The following CDH13 variants were observed in gnomAD, a reference collection of about 807,000 sequenced individuals.
CDH13 encodes the protein cadherin-13.
A neutral mutation model predicts 63.8 loss-of-function variants in CDH13; 24 were observed. The ratio of observed to expected loss-of-function variants is 0.38; its 90% confidence interval spans 0.27 to 0.53. The LOEUF (loss-of-function observed/expected upper bound fraction) is 0.53. Among genes scored for constraint, CDH13 ranks in the 20% least tolerant of loss-of-function variants. The probability of loss-of-function intolerance (pLI) is 0.85; values close to 1 mark genes in which losing one functional copy is unlikely to be tolerated. For synonymous variants in CDH13, 503 were observed against 355.3 expected (o/e 1.42, Z -4.67); for missense variants, 1,049 against 903.1 (o/e 1.16, Z -2.07).
chr16:82,866,312 A>G (rs1203709237), intron 2 of CDH13, among the ~76,000 whole-genome samples: 4 of 148,004 alleles, frequency 2.7e-5, no homozygotes, highest in Non-Finnish European at 4.5e-5. Flanking sequence ...GTATCCTTAT[A>G]GCAGCACCCC....
At chr16:82,950,804 C>T (rs1174287930) in intron 2 of CDH13, among the ~76,000 whole-genome samples, 3 of 139,040 alleles carry the variant, frequency 2.2e-5, no homozygotes, top group East Asian at 4.0e-4. Flanking sequence ...AGAACTCCCA[C>T]ATCTTTTTTT....
At position 83,510,727 on chromosome 16, in the gene CDH13, T is replaced by A. The variant is rs75410854; in HGVS notation, c.960+24072T>A. ...CCTACTTCTAGATAGAGCCAAACTG[T>A]CTAAGCCAAAGGGGGTTTGGGTTTC... On this transcript the variant is annotated intron_variant, in intron 7 of 13. Coordinates refer to ENST00000567109, the MANE Select transcript of CDH13 (RefSeq NM_001257.5). 4.4e-3 allele frequency among the ~76,000 whole-genome samples: 671 copies of A among 152,270 alleles called. 5 individuals are homozygous for A. Among genetic ancestry groups the A allele is most frequent in the African/African-American group, 0.015 (622 of 41,548 alleles).
intron 1 of CDH13, among the ~76,000 whole-genome samples, chr16:82,775,375 T>A (rs900854030): frequency 2.0e-5 from 3 of 152,226 alleles, no homozygotes; most frequent in Non-Finnish European, 4.4e-5. Flanking sequence ...ACCAGCTGTA[T>A]GTATGAGCAT....
chr16:82,764,833 A>C (rs1258252363), intron 1 of CDH13, among the ~76,000 whole-genome samples: 1 of 116,496 alleles, frequency 8.6e-6, no homozygotes, highest in Admixed American at 9.2e-5. Context: ...TTTTTTTTTG[A>C]GATGGAGTTT....
At chr16:83,019,567 C>G (rs1915144962) in intron 2 of CDH13, among the ~76,000 whole-genome samples, 1 of 150,100 alleles carries the variant, frequency 6.7e-6, no homozygotes, top group Admixed American at 6.7e-5. Context: ...CCGATCTCAG[C>G]TCACTACAGC....
intron 2 of CDH13, among the ~76,000 whole-genome samples, chr16:82,865,380 G>A (rs1597840499): frequency 1.3e-5 from 2 of 152,224 alleles, no homozygotes; most frequent in South Asian, 4.1e-4. Flanking sequence ...ACTTTTGCGT[G>A]GACATCCAGG....
At position 82,777,548 on chromosome 16, in the gene CDH13, G is replaced by A. The variant is rs545509219; in HGVS notation, c.46-80814G>A. Among the ~76,000 whole-genome samples the A allele has an allele frequency of 3.9e-5, 6 of 152,280 alleles. No individual in the cohort carries two copies. In the East Asian group the frequency reaches 9.7e-4, roughly 24 times the overall value. On this transcript the variant is annotated intron_variant, in intron 1 of 13. Transcript: ENST00000567109. ...TCTTTTGTGACAGTTCTGTACCATC[G>A]TCTATAATATATCTGTATTAGTAAT...
chr16:82,842,928 C>T (rs9933458), intron 1 of CDH13, among the ~76,000 whole-genome samples: 37,116 of 151,980 alleles, frequency 0.24, 5,677 homozygotes, highest in Non-Finnish European at 0.35. Context: ...AATGTTATTG[C>T]TGGTCTAACA....
At chr16:83,284,645 G>C (rs1026797276) in intron 5 of CDH13, among the ~76,000 whole-genome samples, 1 of 152,042 alleles carries the variant, frequency 6.6e-6, no homozygotes, top group African/African-American at 2.4e-5. Context: ...AAATGGCAAA[G>C]TGTTTAAATA....
chr16:82,632,548 C>T (rs1010088979), intron 1 of CDH13, among the ~76,000 whole-genome samples: 8 of 152,080 alleles, frequency 5.3e-5, no homozygotes, highest in African/African-American at 1.9e-4. Flanking sequence ...CCTGGCACAC[C>T]AGTGTGTTGG....
At chr16:82,975,662 A>G (rs1909399660) in intron 2 of CDH13, among the ~76,000 whole-genome samples, 1 of 152,138 alleles carries the variant, frequency 6.6e-6, no homozygotes, top group South Asian at 2.1e-4. Flanking sequence ...ACATTCCTCA[A>G]CTCCAAGAAA....
chr16:83,295,000 C>T (rs904354377), intron 5 of CDH13, among the ~76,000 whole-genome samples: 2 of 152,090 alleles, frequency 1.3e-5, no homozygotes, highest in Admixed American at 6.5e-5. Context: ...GCTGTAACAA[C>T]CAAAACAGCA....
intron 2 of CDH13, among the ~76,000 whole-genome samples, chr16:82,985,328 A>G (rs1447762747): frequency 6.6e-6 from 1 of 152,180 alleles, no homozygotes; most frequent in Non-Finnish European, 1.5e-5. Context: ...GATTCATCCT[A>G]TTCTGTAGGG....
At chr16:83,419,611 C>T (rs1192868228) in intron 6 of CDH13, among the ~76,000 whole-genome samples, 1 of 152,172 alleles carries the variant, frequency 6.6e-6, no homozygotes, top group Admixed American at 6.5e-5. Flanking sequence ...ATGGCTGTAG[C>T]ATATTTCCTA....
At chr16:83,273,352 T>C (rs773952095) in intron 5 of CDH13, among the ~76,000 whole-genome samples, 49 of 152,012 alleles carry the variant, frequency 3.2e-4, no homozygotes, top group Non-Finnish European at 5.0e-4. Flanking sequence ...CACCCTCAAG[T>C]AGGCCCTGGG....
At position 83,508,124 on chromosome 16, in the gene CDH13, A is replaced by AG. The variant is rs1252393332; in HGVS notation, c.960+21471dup. Reference sequence around the variant, plus strand: ...AGAAGGAAGGAAAAGGAAGGAAGGGAGGAAGGAAAGGGAAGGGGAGGGGAG... The same window carrying AG: ...AGAAGGAAGGAAAAGGAAGGAAGGGAGGGAAGGAAAGGGAAGGGGAGGGGAG... On this transcript the variant is annotated intron_variant, in intron 7 of 13. Transcript: ENST00000567109. 6.4e-4 allele frequency among the ~76,000 whole-genome samples: 45 copies of AG among 69,994 alleles called. 1 individual carries two copies. Among genetic ancestry groups the AG allele is most frequent in the African/African-American group, 2.2e-3 (38 of 17,216 alleles). 45.9% of individuals were successfully genotyped at this position (69,994 alleles called of 152,430 possible). A position where few individuals can be genotyped will look rare whatever the true frequency, so the allele number is the denominator to read the frequency against.
chr16:82,766,852 C>T (rs2035074027), intron 1 of CDH13, among the ~76,000 whole-genome samples: 1 of 151,886 alleles, frequency 6.6e-6, no homozygotes, highest in Admixed American at 6.6e-5. Flanking sequence ...TGTATTTGTA[C>T]CCGACATACA....
At position 83,643,538 on chromosome 16, in the gene CDH13, A is replaced by T. The variant is rs150421588; in HGVS notation, c.1102-27252A>T. Reference sequence around the variant, plus strand: ...ATCAAATGATAAAACACATGCAGAGAGTTTAACCCAGCACCTGCTACATAG... The same window carrying T: ...ATCAAATGATAAAACACATGCAGAGTGTTTAACCCAGCACCTGCTACATAG... On this transcript the variant is annotated intron_variant, in intron 8 of 13. Transcript: ENST00000567109. 6.3e-3 allele frequency among the ~76,000 whole-genome samples: 957 copies of T among 152,158 alleles called. 13 individuals are homozygous for T. Among genetic ancestry groups the T allele is most frequent in the African/African-American group, 0.022 (910 of 41,516 alleles).
At chr16:83,450,052 A>G (rs1340431348) in intron 6 of CDH13, among the ~76,000 whole-genome samples, 1 of 152,156 alleles carries the variant, frequency 6.6e-6, no homozygotes, top group Non-Finnish European at 1.5e-5. Context: ...GGGGTTGCAG[A>G]GTTCAATGCC....
Sources: allele counts gnomAD v4.1 joint callset (sites outside exome capture counted in the v4.1 genomes callset), GRCh38; gene constraint gnomAD v4.1.1; transcripts MANE v1.5; gene names NCBI Gene and HGNC (gene_info 2026-07-23, HGNC 2026-07-21).